The following ARFGEF1 variants were observed in gnomAD, a reference collection of about 807,000 sequenced individuals.
ARFGEF1 encodes brefeldin A-inhibited guanine nucleotide-exchange protein 1.
In ARFGEF1, 42 loss-of-function variants were observed where a neutral mutation model predicts 231.0. That is an observed-to-expected ratio of 0.18 (90% CI 0.14 to 0.24). The LOEUF is 0.24. ARFGEF1 is among the 10% of genes least tolerant of loss of function. The pLI, the probability that ARFGEF1 is intolerant of heterozygous loss-of-function variation, is 1.00. For missense variants in ARFGEF1, 1,345 were observed against 2,192.0 expected, an observed-to-expected ratio of 0.61 and a Z score of 7.72; for synonymous variants, 710 against 732.3, an observed-to-expected ratio of 0.97 and a Z score of 0.49.
At chr8:67,298,371 C>G (rs1274438561) in intron 4 of ARFGEF1, among the ~76,000 whole-genome samples, 2 of 152,104 alleles carry the variant, frequency 1.3e-5, no homozygotes, top group Non-Finnish European at 2.9e-5. Flanking sequence ...CAAAGGAATT[C>G]AATCAAACAA....
chr8:67,262,653 G>C (rs1488364488), intron 14 of ARFGEF1, among the ~76,000 whole-genome samples: 2 of 152,140 alleles, frequency 1.3e-5, no homozygotes, highest in Non-Finnish European at 2.9e-5. Flanking sequence ...CTTATTTTAA[G>C]AAATTACCAC....
rs562540567 is a variant in ARFGEF1 at position 67,185,104 on chromosome 8, CAA to C, written c.561-9534_561-9533del. ...TGGGCGACAGAGCAAGACTCCGTCT[CAA>C]AAAAAAAAAAACAAAAACAAACAAA... On this transcript the variant is annotated intron_variant, in intron 5 of 5. Coordinates refer to the ARFGEF1 transcript ENST00000518789. Among the ~76,000 whole-genome samples the C allele has an allele frequency of 8.2e-5, 10 of 121,934 alleles. No homozygotes were observed. The East Asian group carries it at 1.4e-3, about 17-fold the overall frequency. The allele number at this position is 121,934 out of a possible 152,430, so 80.0% of individuals were successfully genotyped here.
chr8:67,272,864 T>C (rs1203549452), intron 9 of ARFGEF1, among the ~76,000 whole-genome samples: 1 of 152,138 alleles, frequency 6.6e-6, no homozygotes, highest in Non-Finnish European at 1.5e-5. Context: ...TCCCAGCACT[T>C]TGAGAGGCTG....
At chr8:67,211,425 ATGT>A in intron 34 of ARFGEF1, 55 bp downstream of exon 34, 1 of 1,364,542 alleles carries the variant, frequency 7.3e-7, no homozygotes, top group Non-Finnish European at 9.8e-7. Context: ...AAAACCAAAA[ATGT>A]TAACCCTTTC....
rs1255360354 is a variant in ARFGEF1, at chr8:67,199,072, G to A, written c.5412C>T (p.Tyr1804=). ...ATTGCATAATTTCACATAAGAGAGG[G>A]TAGTAGAATGATGCATGAGCTTTAA... ...NRFKAHASFY[Y]PLLCEIMQFD... Residue 1804 remains tyrosine (Y), a synonymous_variant, in exon 39 of 39, where the codon TAC becomes TAT. Coordinates refer to ENST00000262215, the MANE Select transcript of ARFGEF1 (RefSeq NM_006421.5). 2 of 1,610,150 alleles carry A rather than the reference G, an allele frequency of 1.2e-6. No homozygotes were observed. Among genetic ancestry groups the A allele is most frequent in the Admixed American group, 1.7e-5 (1 of 58,774 alleles).
chr8:67,296,395 T>G, intron 5 of ARFGEF1, 36 bp downstream of exon 5: 1 of 1,592,800 alleles, frequency 6.3e-7, no homozygotes, highest in South Asian at 1.1e-5. Flanking sequence ...ATGCCTGTTG[T>G]GTTCTATACA....
At chr8:67,245,189 C>T (rs1175365908) in intron 19 of ARFGEF1, among the ~76,000 whole-genome samples, 2 of 150,506 alleles carry the variant, frequency 1.3e-5, no homozygotes, top group Non-Finnish European at 2.9e-5. Flanking sequence ...TGAGGGATTT[C>T]ATCAACACCA....
chr8:67,175,205 T>C, downstream of ARFGEF1: 1 of 890,984 alleles, frequency 1.1e-6, no homozygotes, highest in Non-Finnish European at 1.8e-6. Flanking sequence ...ATTTTGAAAT[T>C]AGGTTACTCA....
chr8:67,308,775 T>C (rs1304958480), intron 1 of ARFGEF1, among the ~76,000 whole-genome samples: 1 of 152,160 alleles, frequency 6.6e-6, no homozygotes, highest in Non-Finnish European at 1.5e-5. Flanking sequence ...TTTAATTTTA[T>C]TATTTTAATG....
chr8:67,255,305 CT>C (rs1177915008), intron 17 of ARFGEF1, among the ~76,000 whole-genome samples: 2 of 152,188 alleles, frequency 1.3e-5, no homozygotes, highest in African/African-American at 2.4e-5. Flanking sequence ...CTACTCTTGA[CT>C]TTTATCCTCG....
At chr8:67,290,753 C>T in intron 6 of ARFGEF1, among the ~76,000 whole-genome samples, 1 of 152,090 alleles carries the variant, frequency 6.6e-6, no homozygotes, top group East Asian at 1.9e-4. Flanking sequence ...GAAATTTTGG[C>T]AAGGGCAGGC....
Position 67,343,463 on chromosome 8 carries a change from T to G in ARFGEF1, c.-176A>C. ...GGCGGGCGAGCGGGACCAGCCGCGG[T>G]GTCGGCGAAGGGCGTCGAGGTCCTC... On this transcript the variant is annotated 5_prime_UTR_variant, in exon 1 of 39. Transcript: ENST00000262215. 6.0e-6 allele frequency: 8 copies of G among 1,344,062 alleles called. No individual in the cohort carries two copies. The highest frequency in any genetic ancestry group is 7.7e-6 in the Non-Finnish European group (8 of 1,044,818). The allele number at this position is 1,344,062 out of a possible 1,614,324, so 83.3% of individuals were successfully genotyped here. A position where few individuals can be genotyped will look rare whatever the true frequency, so the allele number is the denominator to read the frequency against.
chr8:67,279,315 A>G (rs1805440721), intron 7 of ARFGEF1, among the ~76,000 whole-genome samples: 1 of 152,150 alleles, frequency 6.6e-6, no homozygotes, highest in African/African-American at 2.4e-5. Flanking sequence ...TTAGCTAAAA[A>G]TCAGGTAATT....
chr8:67,329,932 C>A (rs1449068715), intron 1 of ARFGEF1, among the ~76,000 whole-genome samples: 1 of 151,582 alleles, frequency 6.6e-6, no homozygotes, highest in African/African-American at 2.4e-5. Context: ...TTGGTAGAAA[C>A]CATTTAGGGG....
intron 20 of ARFGEF1, among the ~76,000 whole-genome samples, chr8:67,239,378 A>T (rs1056400514): frequency 3.3e-5 from 5 of 152,100 alleles, no homozygotes; most frequent in Non-Finnish European, 7.4e-5. Flanking sequence ...TAAGTTTAGT[A>T]AGTTTTACTT....
At chr8:67,200,317 G>C in intron 38 of ARFGEF1, 79 bp downstream of exon 38, 2 of 1,001,570 alleles carry the variant, frequency 2.0e-6, no homozygotes, top group Non-Finnish European at 1.6e-6. Flanking sequence ...GAGAGCTCTT[G>C]CACGGCGGCT....
chr8:67,175,605 G>A, intron 5 of ARFGEF1: 1 of 773,590 alleles, frequency 1.3e-6, no homozygotes, highest in Admixed American at 2.0e-5. Flanking sequence ...GTATGAGAGA[G>A]AGCTCTGAGT....
At chr8:67,306,331 TAC>T (rs1806744230) in intron 1 of ARFGEF1, among the ~76,000 whole-genome samples, 1 of 152,258 alleles carries the variant, frequency 6.6e-6, no homozygotes, top group Non-Finnish European at 1.5e-5. Context: ...TTCATCATGC[TAC>T]TAAGAATGGT....
intron 1 of ARFGEF1, among the ~76,000 whole-genome samples, chr8:67,311,649 T>G (rs1807072634): frequency 6.6e-6 from 1 of 150,466 alleles, no homozygotes. Context: ...AGCCGCCCCG[T>G]CCGGGAGGTG....
Sources: gnomAD v4.1 joint callset for allele counts (sites outside exome capture counted in the v4.1 genomes callset) on GRCh38, gnomAD v4.1.1 for gene constraint, MANE v1.5 for transcripts, NCBI Gene and HGNC (gene_info 2026-07-23, HGNC 2026-07-21) for gene names.